The following C1QTNF3 variants were observed in gnomAD, a reference collection of about 807,000 sequenced individuals.
C1QTNF3 encodes complement C1q tumor necrosis factor-related protein 3.
C1QTNF3 carries 26 observed loss-of-function variants against 32.6 expected under a neutral mutation model. The ratio of observed to expected loss-of-function variants is 0.80; its 90% CI spans 0.58 to 1.11. The LOEUF is 1.11. Among genes scored for constraint, C1QTNF3 ranks in the 50% least tolerant of loss-of-function variants. The pLI is 0.00. For missense variants in C1QTNF3, 362 were observed against 398.2 expected, an observed-to-expected ratio of 0.91 and a Z score of 0.77; for synonymous variants, 155 against 146.0, an observed-to-expected ratio of 1.06 and a Z score of -0.44.
chr5:34,092,663 A>C, the C1QTNF3 span, among the ~76,000 whole-genome samples: 1 of 151,606 alleles, frequency 6.6e-6, no homozygotes, highest in Non-Finnish European at 1.5e-5. Context: ...TTTTCAATGA[A>C]GTTTGTATAT....
the C1QTNF3 span, among the ~76,000 whole-genome samples, chr5:34,115,214 T>C: frequency 6.6e-6 from 1 of 152,224 alleles, no homozygotes; most frequent in African/African-American, 2.4e-5. Context: ...TTCACCTTGT[T>C]GCTGTTTCTT....
At chr5:34,107,259 A>G in the C1QTNF3 span, among the ~76,000 whole-genome samples, 1 of 137,472 alleles carries the variant, frequency 7.3e-6, no homozygotes, top group African/African-American at 2.8e-5. Context: ...AGCATATTAC[A>G]ATATAAATAT....
At chr5:34,176,821 C>A in the C1QTNF3 span, among the ~76,000 whole-genome samples, 1 of 151,966 alleles carries the variant, frequency 6.6e-6, no homozygotes, top group East Asian at 1.9e-4. Flanking sequence ...TGCACCACTA[C>A]ACTCCAGCCT....
At chr5:34,157,734 T>A in the C1QTNF3 span, among the ~76,000 whole-genome samples, 5 of 152,174 alleles carry the variant, frequency 3.3e-5, no homozygotes, top group African/African-American at 9.7e-5. Flanking sequence ...GCTGTAAAAG[T>A]CAAGGAAATA....
upstream of C1QTNF3, among the ~76,000 whole-genome samples, chr5:34,046,490 G>A (rs890916228): frequency 6.6e-6 from 1 of 152,134 alleles, no homozygotes; most frequent in African/African-American, 2.4e-5. Flanking sequence ...ATGAAAGCAG[G>A]GATGAGGGTA....
At chr5:34,167,928 T>C in the C1QTNF3 span, 418 of 152,148 alleles carry the variant, frequency 2.7e-3, 1 homozygote, top group African/African-American at 9.7e-3. Flanking sequence ...ATGGGGGAGA[T>C]GCAAAAGGTG....
the C1QTNF3 span, among the ~76,000 whole-genome samples, chr5:34,105,112 T>G: frequency 6.6e-6 from 1 of 152,224 alleles, no homozygotes; most frequent in Non-Finnish European, 1.5e-5. Context: ...AGTTTTCCTC[T>G]CTGACCAAAG....
the C1QTNF3 span, among the ~76,000 whole-genome samples, chr5:34,107,949 C>T: frequency 1.3e-5 from 2 of 151,824 alleles, no homozygotes; most frequent in African/African-American, 4.8e-5. Context: ...GTCTACACTC[C>T]TACTAAGATT....
At chr5:34,051,758 G>A in the C1QTNF3 span, among the ~76,000 whole-genome samples, 1 of 152,214 alleles carries the variant, frequency 6.6e-6, no homozygotes, top group Non-Finnish European at 1.5e-5. Context: ...CATTTTTCCA[G>A]TTAAATTGGG....
the C1QTNF3 span, among the ~76,000 whole-genome samples, chr5:34,157,186 T>A: frequency 6.6e-6 from 1 of 152,158 alleles, no homozygotes. Flanking sequence ...CTTGTAGAAT[T>A]TACTCAGATT....
the C1QTNF3 span, among the ~76,000 whole-genome samples, chr5:34,085,920 C>T: frequency 6.6e-6 from 1 of 150,882 alleles, no homozygotes; most frequent in African/African-American, 2.5e-5. Context: ...ACCATTTGAC[C>T]CAGCAATCCC....
the C1QTNF3 span, among the ~76,000 whole-genome samples, chr5:34,174,519 T>C: frequency 8.5e-5 from 13 of 152,268 alleles, no homozygotes; most frequent in South Asian, 2.1e-4. Context: ...CATTCATTCA[T>C]CCCTTTTCCA....
chr5:34,039,310 C>G (rs1459749267), intron 1 of C1QTNF3, among the ~76,000 whole-genome samples: 1 of 152,238 alleles, frequency 6.6e-6, no homozygotes, highest in Non-Finnish European at 1.5e-5. Context: ...GTGCACTTGT[C>G]TTTCAAGTTG....
chr5:34,207,881 G>A, the C1QTNF3 span, among the ~76,000 whole-genome samples: 6 of 151,534 alleles, frequency 4.0e-5, no homozygotes, highest in Non-Finnish European at 8.8e-5. Context: ...TCCGCCTCCC[G>A]GGTTCACGCC....
At chr5:34,111,019 T>C in the C1QTNF3 span, among the ~76,000 whole-genome samples, 4 of 152,212 alleles carry the variant, frequency 2.6e-5, no homozygotes, top group African/African-American at 9.6e-5. Flanking sequence ...TGGAAATAAT[T>C]ATGAAACCTA....
chr5:34,056,092 T>C, the C1QTNF3 span, among the ~76,000 whole-genome samples: 4 of 152,172 alleles, frequency 2.6e-5, no homozygotes. Flanking sequence ...CTGAAATGCA[T>C]GATTCTACAC....
chr5:34,233,701 C>T, the C1QTNF3 span, among the ~76,000 whole-genome samples: 14 of 32,088 alleles, frequency 4.4e-4, no homozygotes, highest in Non-Finnish European at 1.9e-3. Flanking sequence ...TCAGGACATG[C>T]GTTTTTTTTT....
Position 34,020,553 on chromosome 5 carries a change from C to A in C1QTNF3, c.*30G>T, listed in dbSNP as rs376459769. ...ACAAATCAGCTCAGCTACAAGTCTT[C>A]CCCAAAGTGGAGCTATTCTAGTCAT... is the stretch of plus-strand genomic sequence containing the variant. On this transcript the variant is annotated 3_prime_UTR_variant, in exon 6 of 6. Transcript: ENST00000382065. 1 of 1,603,354 alleles carries A rather than the reference C, an allele frequency of 6.2e-7. No individual in the cohort carries two copies. The highest frequency in any genetic ancestry group is 1.1e-5 in the South Asian group (1 of 90,446).
At chr5:34,166,036 C>G in the C1QTNF3 span, 1 of 148,562 alleles carries the variant, frequency 6.7e-6, no homozygotes, top group Middle Eastern at 3.4e-3. Flanking sequence ...CTCTGAAAAG[C>G]TGTCTACATC....
Sources: gnomAD v4.1 joint callset for allele counts (sites outside exome capture counted in the v4.1 genomes callset) on GRCh38, gnomAD v4.1.1 for gene constraint, MANE v1.5 for transcripts, NCBI Gene and HGNC (gene_info 2026-07-23, HGNC 2026-07-21) for gene names.